Variants in TMCO4 observed in about 807,000 individuals in gnomAD.
The protein encoded by TMCO4 is transmembrane and coiled-coil domains 4.
A neutral mutation model predicts 64.7 loss-of-function variants in TMCO4; 58 were observed. The observed-to-expected ratio is 0.90, with a 90% CI of 0.73 to 1.12. TMCO4 has a LOEUF of 1.12. TMCO4 is among the 50% of genes most tolerant of loss of function. TMCO4 has a pLI of 0.00. For missense variants in TMCO4, 780 were observed against 825.9 expected, an observed-to-expected ratio of 0.94 and a Z score of 0.68; for synonymous variants, 325 against 346.1, an observed-to-expected ratio of 0.94 and a Z score of 0.68.
At chr1:19,762,369 C>T (rs939147161) in intron 6 of TMCO4, among the ~76,000 whole-genome samples, 1 of 152,154 alleles carries the variant, frequency 6.6e-6, no homozygotes, top group South Asian at 2.1e-4. Flanking sequence ...CGAGGGATCT[C>T]GGCTCTGCCA....
In TMCO4 at chr1:19,683,264, G is replaced by C. The variant is rs776561307; in HGVS notation, c.1681C>G (p.Gln561Glu). The C allele has an allele frequency of 1.9e-6, 3 of 1,614,200 alleles. 1 individual carries two copies. In the South Asian group the frequency reaches 3.3e-5, roughly 18 times the overall value. Residue 561 changes from glutamine (Q) to glutamate (E), a missense_variant, in exon 16 of 16, where the codon CAA (glutamine) becomes GAA (glutamate). Physicochemically the swap from Gln to Glu is conservative, Grantham distance 29. Transcript: ENST00000294543. ...SSGETPHQVG[Q>E]TQGPISGDTS... ...TCTCCGGATATGGGACCCTGGGTTTGCCCAACCTGGTGGGGGGTCTCGCCT... is the reference window on the plus strand; with the variant it reads ...TCTCCGGATATGGGACCCTGGGTTTCCCCAACCTGGTGGGGGGTCTCGCCT...
rs557385316 is a variant in TMCO4 at position 19,761,591 on chromosome 1, G to C, written c.383-5825C>G. On this transcript the variant is annotated intron_variant, in intron 6 of 15. Transcript: ENST00000294543. ...ACTTGAAACAGCCCAACAGCAACAGGGTCATGTGGAGACTTGACAGTCACA... is the reference window on the plus strand; with the variant it reads ...ACTTGAAACAGCCCAACAGCAACAGCGTCATGTGGAGACTTGACAGTCACA... Among the ~76,000 whole-genome samples, 7 of 152,328 alleles carry C rather than the reference G, an allele frequency of 4.6e-5. 1 individual carries two copies. The South Asian group carries it at 1.5e-3, about 32-fold the overall frequency.
At chr1:19,779,262 T>C (rs936472425) in intron 4 of TMCO4, among the ~76,000 whole-genome samples, 1 of 152,138 alleles carries the variant, frequency 6.6e-6, no homozygotes, top group Non-Finnish European at 1.5e-5. Flanking sequence ...CTCTGAACCT[T>C]TGGAGCCATA....
chr1:19,763,112 G>C lies in TMCO4; in HGVS notation c.383-7346C>G, dbSNP rs540650048. ...TTTTTTTGAGATGGAGTTTCACTCTGTCACCCAGGCTGGAGTGCAGTGGCA... is the reference window on the plus strand; with the variant it reads ...TTTTTTTGAGATGGAGTTTCACTCTCTCACCCAGGCTGGAGTGCAGTGGCA... On this transcript the variant is annotated intron_variant, in intron 6 of 15. Transcript: ENST00000294543. Among the ~76,000 whole-genome samples, 11 of 150,746 alleles carry C rather than the reference G, an allele frequency of 7.3e-5. No homozygotes were observed. The East Asian group carries it at 2.1e-3, about 29-fold the overall frequency.
At chr1:19,741,226 G>A (rs2095477747) in intron 10 of TMCO4, among the ~76,000 whole-genome samples, 1 of 152,226 alleles carries the variant, frequency 6.6e-6, no homozygotes, top group South Asian at 2.1e-4. Flanking sequence ...TATGTGAAGT[G>A]GGGAGATGGT....
chr1:19,763,064 A>G (rs1204720566), intron 6 of TMCO4, among the ~76,000 whole-genome samples: 5 of 151,624 alleles, frequency 3.3e-5, no homozygotes, highest in Non-Finnish European at 7.4e-5. Flanking sequence ...GGGAATAAGA[A>G]TATCTTTTTC....
intron 13 of TMCO4, 65 bp downstream of exon 13, chr1:19,737,307 A>G (rs2100826736): frequency 6.5e-7 from 1 of 1,541,108 alleles, no homozygotes. Context: ...CCCCTGGCCC[A>G]GAACATCTGT....
chr1:19,758,820 C>T (rs1570926446), intron 6 of TMCO4, among the ~76,000 whole-genome samples: 4 of 152,230 alleles, frequency 2.6e-5, no homozygotes, highest in East Asian at 1.9e-4. Context: ...ACAGGCCAGG[C>T]GTGGTGGCTC....
chr1:19,692,097 A>G (rs3748752), intron 15 of TMCO4, among the ~76,000 whole-genome samples: 90,959 of 152,098 alleles, frequency 0.6, 27,754 homozygotes, highest in Non-Finnish European at 0.66. Flanking sequence ...GTGAAAATGG[A>G]CTAATACACT....
chr1:19,728,970 C>T (rs537246066), intron 13 of TMCO4, among the ~76,000 whole-genome samples: 48 of 152,194 alleles, frequency 3.2e-4, no homozygotes, highest in African/African-American at 9.1e-4. Context: ...GCTAATTGAC[C>T]GTGAAGTTCT....
In TMCO4 at chr1:19,739,963, G is replaced by T; in HGVS notation, c.1043-3C>A. ...CCAGGTCAGGGCAGCCACAATGCCT[G>T]GGGAGGTGAGATAGTGATGAAGGGA... On this transcript the variant is annotated splice_region_variant and splice_polypyrimidine_tract_variant and intron_variant, in intron 11 of 15. Transcript: ENST00000294543. The T allele has an allele frequency of 3.1e-6, 5 of 1,611,812 alleles. No homozygotes were observed. The highest frequency in any genetic ancestry group is 4.2e-6 in the Non-Finnish European group (5 of 1,179,028).
intron 15 of TMCO4, among the ~76,000 whole-genome samples, chr1:19,690,476 C>T (rs1189365371): frequency 6.6e-6 from 1 of 152,258 alleles, no homozygotes; most frequent in Admixed American, 6.5e-5. Flanking sequence ...CCTGGTCTGG[C>T]CACAGGCCCA....
intron 13 of TMCO4, among the ~76,000 whole-genome samples, chr1:19,733,103 T>C (rs1171968040): frequency 2.6e-5 from 4 of 151,798 alleles, no homozygotes; most frequent in Non-Finnish European, 5.9e-5. Flanking sequence ...CCGACTCTAC[T>C]AAAAATACAA....
intron 7 of TMCO4, among the ~76,000 whole-genome samples, chr1:19,752,821 T>G (rs2042079410): frequency 6.6e-6 from 1 of 151,446 alleles, no homozygotes. Flanking sequence ...ATTTCTTTAT[T>G]TGTGAAACAC....
intron 12 of TMCO4, chr1:19,738,258 C>T (rs77259651): frequency 0.019 from 2,967 of 152,348 alleles, 56 homozygotes; most frequent in East Asian, 0.044. Flanking sequence ...GTATTCGAAT[C>T]CTGCAGGAGC....
chr1:19,731,094 G>C (rs1472164374), intron 13 of TMCO4, among the ~76,000 whole-genome samples: 1 of 152,136 alleles, frequency 6.6e-6, no homozygotes, highest in African/African-American at 2.4e-5. Flanking sequence ...TGACGATCTC[G>C]ACCATCTGGA....
intron 15 of TMCO4, among the ~76,000 whole-genome samples, chr1:19,685,938 A>G (rs978406110): frequency 3.3e-5 from 5 of 152,160 alleles, no homozygotes; most frequent in Admixed American, 3.3e-4. Context: ...TGTGTTAGCC[A>G]GGATGGTCTT....
At chr1:19,690,951 C>G (rs1224591998) in intron 15 of TMCO4, among the ~76,000 whole-genome samples, 2 of 148,570 alleles carry the variant, frequency 1.3e-5, no homozygotes, top group Non-Finnish European at 3.0e-5. Context: ...TCACTGCAAG[C>G]TCCACCTCCT....
intron 13 of TMCO4, among the ~76,000 whole-genome samples, chr1:19,712,634 A>AG (rs1274580685): frequency 6.6e-6 from 1 of 151,886 alleles, no homozygotes; most frequent in Non-Finnish European, 1.5e-5. Context: ...AAAAAAAAAA[A>AG]GAAAAAAGAA....
Sources: gnomAD v4.1 joint callset for allele counts (sites outside exome capture counted in the v4.1 genomes callset) on GRCh38, gnomAD v4.1.1 for gene constraint, MANE v1.5 for transcripts, NCBI Gene and HGNC (gene_info 2026-07-23, HGNC 2026-07-21) for gene names.